ARID1A: variants seen among roughly 807,000 people sequenced by gnomAD.
The protein encoded by ARID1A is AT-rich interaction domain 1A, also known as AT-rich interactive domain-containing protein 1A.
ARID1A carries 20 observed loss-of-function variants against 212.6 expected under a neutral mutation model. The ratio of observed to expected loss-of-function variants is 0.09; its 90% CI spans 0.07 to 0.14. ARID1A has a LOEUF of 0.14. ARID1A is among the 10% of genes least tolerant of loss of function. The pLI, the probability that ARID1A is intolerant of heterozygous loss-of-function variation, is 1.00. For missense variants in ARID1A, 2,587 were observed against 3,059.0 expected (o/e 0.85, Z 3.64); for synonymous variants, 1,376 against 1,222.1 (o/e 1.13, Z -2.63).
intron 4 of ARID1A, among the ~76,000 whole-genome samples, chr1:26,733,975 T>G (rs2124794103): frequency 6.6e-6 from 1 of 152,312 alleles, no homozygotes; most frequent in East Asian, 1.9e-4. Context: ...GCAGAGTCCC[T>G]TAGTACCTGG....
intron 4 of ARID1A, among the ~76,000 whole-genome samples, chr1:26,751,301 T>C (rs1570593573): frequency 1.3e-5 from 2 of 151,840 alleles, no homozygotes; most frequent in African/African-American, 4.8e-5. Flanking sequence ...TTTGTAGAGT[T>C]TGATTATCTA....
rs2124126990 is a variant in ARID1A, at chr1:26,775,668, G to C, written c.5085G>C (p.Leu1695=). ...CATTAGATACCATCAACATCCTGCT[G>C]TATGATGACAACAGCATCATGACCT... The part of the protein sequence containing the change: ...TWALDTINIL[L]YDDNSIMTFN... The change falls in exon 19 of 20, where the codon CTG becomes CTC. Residue 1695 remains leucine (L), a synonymous_variant. Coordinates refer to ENST00000324856, the MANE Select transcript of ARID1A (RefSeq NM_006015.6). The C allele has an allele frequency of 1.2e-6, 2 of 1,614,234 alleles. No individual in the cohort carries two copies. The highest frequency in any genetic ancestry group is 1.7e-6 in the Non-Finnish European group (2 of 1,180,040).
chr1:26,715,152 G>T (rs2080489940), intron 1 of ARID1A, among the ~76,000 whole-genome samples: 1 of 152,140 alleles, frequency 6.6e-6, no homozygotes, highest in South Asian at 2.1e-4. Context: ...GAAGTTTTGT[G>T]GCTAGGGGCA....
At chr1:26,701,176 C>T (rs1350477670) in intron 1 of ARID1A, among the ~76,000 whole-genome samples, 1 of 152,152 alleles carries the variant, frequency 6.6e-6, no homozygotes, top group African/African-American at 2.4e-5. Flanking sequence ...AAGTAATAGG[C>T]AGGGCTCTTT....
chr1:26,773,563 T>C lies in ARID1A; in HGVS notation c.3867-17T>C, dbSNP rs774676437. The C allele has an allele frequency of 6.2e-7, 1 of 1,614,150 alleles. No individual in the cohort carries two copies. The highest frequency in any genetic ancestry group is 8.5e-7 in the Non-Finnish European group (1 of 1,180,014). Reference sequence around the variant, plus strand: ...GAAGCTATAGTGGGCTCAATCTGCCTCTCCAATTTTGTTTAGGACGGAGCC... The same window carrying C: ...GAAGCTATAGTGGGCTCAATCTGCCCCTCCAATTTTGTTTAGGACGGAGCC... On this transcript the variant is annotated splice_polypyrimidine_tract_variant and intron_variant, in intron 15 of 19. Coordinates refer to ENST00000324856, the MANE Select transcript of ARID1A (RefSeq NM_006015.6).
chr1:26,696,245 G>T lies in ARID1A; in HGVS notation c.-159G>T, dbSNP rs980159703. The T allele has an allele frequency of 1.4e-5, 13 of 946,068 alleles. No individual in the cohort carries two copies. Among genetic ancestry groups the T allele is most frequent in the South Asian group, 5.2e-5 (1 of 19,284 alleles). 58.6% of individuals were successfully genotyped at this position (946,068 alleles called of 1,614,324 possible). On this transcript the variant is annotated 5_prime_UTR_variant, in exon 1 of 20. Transcript: ENST00000324856. Reference sequence around the variant, plus strand: ...CCCGGAGCCTGAGCCGGCGGGGCGGGGGGGAGAGGAGCGAGCGCAGCGCAG... The same window carrying T: ...CCCGGAGCCTGAGCCGGCGGGGCGGTGGGGAGAGGAGCGAGCGCAGCGCAG...
Position 26,732,807 on chromosome 1 carries a change from A to C in ARID1A, c.1920+15A>C. On this transcript the variant is annotated intron_variant, in intron 4 of 19. Coordinates refer to ENST00000324856, the MANE Select transcript of ARID1A (RefSeq NM_006015.6). Reference sequence around the variant, plus strand: ...CCAGCTTGCCTGTGAGTATTTCTGCACCTTCTGAAAGGTGATAGGGGCAGA... The same window carrying C: ...CCAGCTTGCCTGTGAGTATTTCTGCCCCTTCTGAAAGGTGATAGGGGCAGA... 6.3e-7 allele frequency: 1 copy of C among 1,597,074 alleles called. No individual in the cohort carries two copies. Among genetic ancestry groups the C allele is most frequent in the Non-Finnish European group, 8.6e-7 (1 of 1,164,752 alleles).
intron 17 of ARID1A, 23 bp downstream of exon 17, chr1:26,773,921 G>T: frequency 6.2e-7 from 1 of 1,609,600 alleles, no homozygotes; most frequent in South Asian, 1.1e-5. Flanking sequence ...GCTGGGAATG[G>T]ACTGGCATGC....
intron 4 of ARID1A, among the ~76,000 whole-genome samples, chr1:26,748,982 G>A (rs2080861839): frequency 6.6e-6 from 1 of 152,062 alleles, no homozygotes; most frequent in African/African-American, 2.4e-5. Context: ...GGCTAACACG[G>A]TGAAACCTCA....
chr1:26,754,981 T>C (rs924504648), intron 4 of ARID1A, among the ~76,000 whole-genome samples: 2 of 152,022 alleles, frequency 1.3e-5, no homozygotes, highest in Non-Finnish European at 2.9e-5. Context: ...ATTAACCAGG[T>C]GTCTGTAGTC....
chr1:26,751,979 C>T (rs994466329), intron 4 of ARID1A, among the ~76,000 whole-genome samples: 8 of 152,192 alleles, frequency 5.3e-5, no homozygotes, highest in African/African-American at 1.9e-4. Context: ...TCATCCTATG[C>T]AATGGTTTCT....
chr1:26,779,472 C>T lies in ARID1A; in HGVS notation c.5574C>T (p.His1858=). The T allele has an allele frequency of 2.5e-6, 4 of 1,614,162 alleles. No individual in the cohort carries two copies. The highest frequency in any genetic ancestry group is 3.4e-6 in the Non-Finnish European group (4 of 1,180,036). Residue 1858 remains histidine (H), a synonymous_variant, in exon 20 of 20, where the codon CAC becomes CAT. Coordinates refer to ENST00000324856, the MANE Select transcript of ARID1A (RefSeq NM_006015.6). ...GGDTTEHIQT[H]FESKTELLPS... ...ACACCACTGAGCATATCCAGACCCA[C>T]TTCGAGAGCAAGACAGAGCTGCTGC... is the stretch of plus-strand genomic sequence containing the variant.
chr1:26,705,309 T>G (rs939620631), intron 1 of ARID1A, among the ~76,000 whole-genome samples: 2 of 152,154 alleles, frequency 1.3e-5, no homozygotes, highest in African/African-American at 4.8e-5. Flanking sequence ...GGCTAATTTT[T>G]GTATTTTTAG....
rs548254096 is a variant in ARID1A at position 26,722,118 on chromosome 1, C to T, written c.1138-7533C>T. On this transcript the variant is annotated intron_variant, in intron 1 of 19. Transcript: ENST00000324856. ...GCAAGCGCCTTCCTGGAGGTTTGAT[C>T]AGGCTAGTGCTTCAGGGGATATCAT... Among the ~76,000 whole-genome samples the T allele has an allele frequency of 2.0e-5, 3 of 152,292 alleles. No homozygotes were observed. In the South Asian group the frequency reaches 6.2e-4, roughly 32 times the overall value.
In ARID1A at chr1:26,761,145, A is replaced by G. The variant is rs187272282; in HGVS notation, c.2161+49A>G. 107 of 1,599,338 alleles carry G rather than the reference A, an allele frequency of 6.7e-5. No individual in the cohort carries two copies. In the African/African-American group the frequency reaches 1.2e-3, roughly 17 times the overall value. On this transcript the variant is annotated intron_variant, in intron 5 of 19. Transcript: ENST00000324856. ...GGGAGAGGGAAAGGTGACTGCCCCC[A>G]GTAATATTAAGGAGCCCTAGTCTTC...
rs1453530028 is a variant in ARID1A at position 26,781,242 on chromosome 1, C to G, written c.*486C>G. The G allele has an allele frequency of 4.2e-6, 1 of 235,444 alleles. No homozygotes were observed. Among genetic ancestry groups the G allele is most frequent in the Non-Finnish European group, 8.3e-6 (1 of 119,990 alleles). The allele number at this position is 235,444 out of a possible 1,614,324, so 14.6% of individuals were successfully genotyped here. A position where few individuals can be genotyped will look rare whatever the true frequency, so the allele number is the denominator to read the frequency against. ...GAACTGTGTGTGGTTTATTGTTGTA[C>G]ATTCACAATCTTGCAGGAGCCAAGA... is the stretch of plus-strand genomic sequence containing the variant. On this transcript the variant is annotated 3_prime_UTR_variant, in exon 20 of 20. Transcript: ENST00000324856.
rs1454399182 is a variant in ARID1A at position 26,780,838 on chromosome 1, A to G, written c.*82A>G. ...ACTGACTGTTGCCCTTTATTTATGC[A>G]AAACCACCTCAGAATCCAGTTTACC... On this transcript the variant is annotated 3_prime_UTR_variant, in exon 20 of 20. Transcript: ENST00000324856. This position sits in a 1 kb window ranked among gnomAD's most constrained non-coding sequence, Gnocchi z 7.2. 2 of 1,484,738 alleles carry G rather than the reference A, an allele frequency of 1.3e-6. No homozygotes were observed. The highest frequency in any genetic ancestry group is 2.8e-5 in the African/African-American group (2 of 71,200). The allele number at this position is 1,484,738 out of a possible 1,614,324, so 92.0% of individuals were successfully genotyped here.
At chr1:26,723,078 G>C (rs1205474586) in intron 1 of ARID1A, among the ~76,000 whole-genome samples, 1 of 152,182 alleles carries the variant, frequency 6.6e-6, no homozygotes, top group African/African-American at 2.4e-5. Flanking sequence ...TGAAATACTA[G>C]GGGATATAGA....
chr1:26,696,996 C>T lies in ARID1A; in HGVS notation c.593C>T (p.Pro198Leu), dbSNP rs2124742615. 3.3e-6 allele frequency: 5 copies of T among 1,521,220 alleles called. No individual in the cohort carries two copies. The South Asian group carries it at 5.0e-5, about 15-fold the overall frequency. 94.2% of individuals were successfully genotyped at this position (1,521,220 alleles called of 1,614,324 possible). A position where few individuals can be genotyped will look rare whatever the true frequency, so the allele number is the denominator to read the frequency against. The change falls in exon 1 of 20, where the codon CCC (proline) becomes CTC (leucine). Residue 198 changes from proline to leucine, a missense_variant. Pro to Leu is a moderately conservative substitution (Grantham distance 98, BLOSUM62 -3). Around this residue, in one of 11 missense-constraint regions of ARID1A, gnomAD observed 735 missense variants for 590.6 expected, o/e 1.24. Coordinates refer to ENST00000324856, the MANE Select transcript of ARID1A (RefSeq NM_006015.6). ...GGGGLEPYAGPQQNSHDHGFP... is the reference protein window; with the variant it reads ...GGGGLEPYAGLQQNSHDHGFP... ...GGGGGCCTGGAGCCCTACGCGGGGCCCCAGCAGAACTCTCACGACCACGGC... is the reference window on the plus strand; with the variant it reads ...GGGGGCCTGGAGCCCTACGCGGGGCTCCAGCAGAACTCTCACGACCACGGC...
Sources: gnomAD v4.1 joint callset for allele counts (sites outside exome capture counted in the v4.1 genomes callset) on GRCh38, gnomAD v4.1.1 for gene constraint, gnomAD v4.1.1 regional missense constraint, Gnocchi (gnomAD v3.1) non-coding constraint, MANE v1.5 for transcripts, NCBI Gene and HGNC (gene_info 2026-07-23, HGNC 2026-07-21) for gene names.